The following SPIDR variants were observed in gnomAD, a reference collection of about 807,000 sequenced individuals.
SPIDR encodes the protein scaffold protein involved in DNA repair.
A neutral mutation model predicts 104.6 loss-of-function variants in SPIDR; 93 were observed. That is an observed-to-expected ratio of 0.89 (90% CI 0.75 to 1.06). SPIDR has a LOEUF of 1.06. SPIDR is among the 50% of genes least tolerant of loss of function. SPIDR has a pLI of 0.00. For synonymous variants in SPIDR, 431 were observed against 416.9 expected (o/e 1.03, Z -0.41); for missense variants, 1,154 against 1,111.2 (o/e 1.04, Z -0.55).
At chr8:47,486,118 GA>G (rs1289871592) in intron 8 of SPIDR, among the ~76,000 whole-genome samples, 7 of 152,128 alleles carry the variant, frequency 4.6e-5, no homozygotes, top group Non-Finnish European at 8.8e-5. Context: ...AAGATTAGAC[GA>G]ATGGCTAACT....
chr8:47,678,063 A>G (rs1589111911), intron 11 of SPIDR, among the ~76,000 whole-genome samples: 1 of 151,906 alleles, frequency 6.6e-6, no homozygotes, highest in South Asian at 2.1e-4. Flanking sequence ...AGAAAAAGTT[A>G]ATTCTCTCAC....
chr8:47,387,099 G>A lies in SPIDR; in HGVS notation c.526-9277G>A, dbSNP rs1385346179. 2.0e-5 allele frequency among the ~76,000 whole-genome samples: 3 copies of A among 152,114 alleles called. No individual in the cohort carries two copies. The East Asian group carries it at 5.8e-4, about 29-fold the overall frequency. On this transcript the variant is annotated intron_variant, in intron 5 of 19. Transcript: ENST00000297423. ...CCTTGAAACATGAGAAAGACTTAGG[G>A]AAAGATTTGGGGTGGGAATGAGGAA... is the stretch of plus-strand genomic sequence containing the variant.
intron 8 of SPIDR, among the ~76,000 whole-genome samples, chr8:47,490,972 T>C (rs1187541503): frequency 6.6e-6 from 1 of 152,204 alleles, no homozygotes; most frequent in African/African-American, 2.4e-5. Flanking sequence ...TGTGTACGTG[T>C]ACCCTAGAAC....
intron 5 of SPIDR, among the ~76,000 whole-genome samples, chr8:47,388,839 G>T (rs888711202): frequency 6.6e-6 from 1 of 152,210 alleles, no homozygotes; most frequent in Non-Finnish European, 1.5e-5. Flanking sequence ...CTTTGGAAAC[G>T]GAGCCAGTAT....
chr8:47,439,863 A>T (rs1554695111), intron 7 of SPIDR, among the ~76,000 whole-genome samples: 2 of 152,180 alleles, frequency 1.3e-5, no homozygotes, highest in Admixed American at 1.3e-4. Context: ...CTTTCTGATC[A>T]TTGGAACAGC....
intron 16 of SPIDR, among the ~76,000 whole-genome samples, chr8:47,714,952 T>A (rs910646628): frequency 1.7e-4 from 26 of 152,212 alleles, no homozygotes; most frequent in African/African-American, 6.3e-4. Context: ...TTTATTGAGC[T>A]ATAACTCAGT....
intron 8 of SPIDR, among the ~76,000 whole-genome samples, chr8:47,464,113 T>TACACACAC (rs113515816): frequency 1.7e-4 from 24 of 143,464 alleles, no homozygotes; most frequent in East Asian, 4.2e-4. Flanking sequence ...CTAAAGATTA[T>TACACACAC]ACACACACAC....
chr8:47,491,169 A>G (rs782471362), intron 8 of SPIDR, among the ~76,000 whole-genome samples: 3 of 152,174 alleles, frequency 2.0e-5, no homozygotes, highest in Non-Finnish European at 4.4e-5. Context: ...CAGTATTATA[A>G]TCATAAATGG....
At chr8:47,469,908 G>A (rs539114103) in intron 8 of SPIDR, among the ~76,000 whole-genome samples, 2 of 152,168 alleles carry the variant, frequency 1.3e-5, no homozygotes, top group South Asian at 4.1e-4. Flanking sequence ...AATAAATTAA[G>A]GAAGACATAA....
intron 10 of SPIDR, 171 bp from the exon 11 acceptor site, chr8:47,673,630 T>C: frequency 1.2e-6 from 1 of 828,282 alleles, no homozygotes. Context: ...GGAAGATGAC[T>C]ACAGTGGATT....
In SPIDR at chr8:47,321,802, C is replaced by T. The variant is rs182044859; in HGVS notation, c.525+27772C>T. 2.4e-3 allele frequency among the ~76,000 whole-genome samples: 368 copies of T among 152,210 alleles called. 2 individuals are homozygous for T. Among genetic ancestry groups the T allele is most frequent in the African/African-American group, 8.6e-3 (355 of 41,514 alleles). ...CAGAAATAATGCCACATATCTACAA[C>T]CATCTGATCTTTGACAAACCTGACA... On this transcript the variant is annotated intron_variant, in intron 5 of 19. Transcript: ENST00000297423.
chr8:47,731,429 G>C (rs979623130), intron 19 of SPIDR, among the ~76,000 whole-genome samples: 13 of 152,212 alleles, frequency 8.5e-5, no homozygotes, highest in African/African-American at 2.9e-4. Flanking sequence ...TGGTGCAAAA[G>C]GTGAGTCATC....
intron 7 of SPIDR, among the ~76,000 whole-genome samples, chr8:47,421,758 T>A (rs1304691401): frequency 6.6e-5 from 10 of 152,218 alleles, no homozygotes; most frequent in African/African-American, 2.4e-4. Flanking sequence ...CCTTTGGTCT[T>A]TGACGATGGT....
rs1482345796 is a variant in SPIDR at position 47,293,996 on chromosome 8, T to C, written c.491T>C (p.Leu164Ser). 3 of 1,614,014 alleles carry C rather than the reference T, an allele frequency of 1.9e-6. No homozygotes were observed. The highest frequency in any genetic ancestry group is 2.5e-6 in the Non-Finnish European group (3 of 1,179,994). Residue 164 changes from leucine to serine, a missense_variant, in exon 5 of 20, where the codon TTG (leucine) becomes TCG (serine). Leu to Ser is a moderately radical substitution (Grantham distance 145). Coordinates refer to ENST00000297423, the MANE Select transcript of SPIDR (RefSeq NM_001080394.4). ...DCASCASNQS[L>S]TSDEKLSELP... Reference sequence around the variant, plus strand: ...GCTTCTTGTGCAAGTAATCAGTCTTTGACAAGTGATGAGAAGCTGTCGGAG... The same window carrying C: ...GCTTCTTGTGCAAGTAATCAGTCTTCGACAAGTGATGAGAAGCTGTCGGAG...
At chr8:47,349,619 C>T (rs1297022674) in intron 5 of SPIDR, among the ~76,000 whole-genome samples, 6 of 152,206 alleles carry the variant, frequency 3.9e-5, no homozygotes, top group African/African-American at 1.4e-4. Flanking sequence ...CTGCAGTGGG[C>T]TCCAGCCAGT....
intron 10 of SPIDR, among the ~76,000 whole-genome samples, chr8:47,616,203 G>A (rs541613992): frequency 7.2e-5 from 11 of 152,166 alleles, no homozygotes; most frequent in Non-Finnish European, 1.3e-4. Flanking sequence ...CCAGTACAGC[G>A]TTGAATGGAA....
At chr8:47,545,071 TTTTC>T (rs566816481) in intron 8 of SPIDR, among the ~76,000 whole-genome samples, 7,199 of 124,428 alleles carry the variant, frequency 0.058, 240 homozygotes, top group African/African-American at 0.11. Flanking sequence ...TCTTTTTATC[TTTTC>T]TTTCTTTCTT....
rs782718440 is a variant in SPIDR at position 47,396,489 on chromosome 8, A to G, written c.639A>G (p.Ala213=). 119 of 1,614,072 alleles carry G rather than the reference A, an allele frequency of 7.4e-5. No individual in the cohort carries two copies. The highest frequency in any genetic ancestry group is 1.0e-4 in the Non-Finnish European group (119 of 1,180,040). The change falls in exon 6 of 20, where the codon GCA becomes GCG. Residue 213 remains alanine (A), a synonymous_variant. Transcript: ENST00000297423. ...CTCACAAATACCACGTGCAGTTTGC[A>G]TCGGATGCAAGACAGATTATGGAGA... is the stretch of plus-strand genomic sequence containing the variant. ...ESPHKYHVQF[A]SDARQIMERL... is the part of the protein sequence containing the mutation.
At chr8:47,300,128 A>C (rs1328227851) in intron 5 of SPIDR, among the ~76,000 whole-genome samples, 2 of 151,988 alleles carry the variant, frequency 1.3e-5, no homozygotes, top group Non-Finnish European at 2.9e-5. Context: ...TCAATTTCAG[A>C]GCCTGTTATT....
Sources: allele counts gnomAD v4.1 joint callset (sites outside exome capture counted in the v4.1 genomes callset), GRCh38; gene constraint gnomAD v4.1.1; transcripts MANE v1.5; gene names NCBI Gene and HGNC (gene_info 2026-07-23, HGNC 2026-07-21).